SLC7A9: variants seen among roughly 807,000 people sequenced by gnomAD.
SLC7A9 encodes the protein solute carrier family 7 member 9.
SLC7A9 carries 38 observed loss-of-function variants against 54.1 expected under a neutral mutation model. That is an observed-to-expected ratio of 0.70 (90% confidence interval 0.54 to 0.92). SLC7A9 has a LOEUF of 0.92. SLC7A9 is among the 40% of genes least tolerant of loss of function. The pLI is 0.00. For synonymous variants in SLC7A9, 264 were observed against 258.9 expected (o/e 1.02, Z -0.19); for missense variants, 537 against 636.1 (o/e 0.84, Z 1.68).
chr19:32,844,857 C>CAAAAAATAAAAAAAAAAA (rs1968236196), intron 9 of SLC7A9, among the ~76,000 whole-genome samples: 1 of 30,314 alleles, frequency 3.3e-5, no homozygotes, highest in Non-Finnish European at 5.9e-5. Flanking sequence ...GAATCCATCT[C>CAAAAAATAAAAAAAAAAA]AAAAAAAAAA....
chr19:32,862,834 G>A (rs996870653), intron 4 of SLC7A9: 2 of 256,180 alleles, frequency 7.8e-6, no homozygotes, highest in East Asian at 1.8e-4. Context: ...ACTATGCCCA[G>A]CTAATTTTTG....
At chr19:32,855,978 C>T (rs1232689387) in intron 9 of SLC7A9, among the ~76,000 whole-genome samples, 1 of 152,140 alleles carries the variant, frequency 6.6e-6, no homozygotes, top group Non-Finnish European at 1.5e-5. Flanking sequence ...TTGTAATCAT[C>T]TGCAACATAC....
At chr19:32,857,728 G>A (rs1253109684) in intron 9 of SLC7A9, among the ~76,000 whole-genome samples, 1 of 152,218 alleles carries the variant, frequency 6.6e-6, no homozygotes, top group Non-Finnish European at 1.5e-5. Flanking sequence ...ACACCCAGGT[G>A]TGAGTGAAGG....
intron 11 of SLC7A9, among the ~76,000 whole-genome samples, chr19:32,833,645 A>G (rs992573105): frequency 1.5e-4 from 23 of 152,152 alleles, no homozygotes; most frequent in African/African-American, 5.1e-4. Context: ...CAAAAACACA[A>G]AAGTTAGCTG....
Position 32,833,317 on chromosome 19 carries a change from C to T in SLC7A9, c.1231G>A (p.Val411Ile), listed in dbSNP as rs139998987. 50 of 1,613,972 alleles carry T rather than the reference C, an allele frequency of 3.1e-5. 1 individual carries two copies. The highest frequency in any genetic ancestry group is 3.3e-4 in the Middle Eastern group (2 of 6,084). Residue 411 changes from valine to isoleucine, a missense_variant, in exon 12 of 13, where the codon GTA (valine) becomes ATA (isoleucine). Physicochemically the swap from Val to Ile is conservative, Grantham distance 29. Transcript: ENST00000023064. ...AGTGTCATCAAGACGGGAATGACTACGGGCACCTGGAGACGAAAAACAGGT... is the reference window on the plus strand; with the variant it reads ...AGTGTCATCAAGACGGGAATGACTATGGGCACCTGGAGACGAAAAACAGGT... Reference protein sequence around the residue: ...KELERPIKVPVVIPVLMTLIS... With the variant: ...KELERPIKVPIVIPVLMTLIS...
At chr19:32,857,956 G>A (rs1203394556) in intron 9 of SLC7A9, among the ~76,000 whole-genome samples, 1 of 152,130 alleles carries the variant, frequency 6.6e-6, no homozygotes, top group African/African-American at 2.4e-5. Context: ...TTTACCATCT[G>A]GCCCTTTAAG....
chr19:32,833,474 T>G, intron 11 of SLC7A9, 151 bp from the exon 12 acceptor site: 1 of 849,770 alleles, frequency 1.2e-6, no homozygotes, highest in South Asian at 1.6e-5. Context: ...TTATTTCATC[T>G]ATACCTTTTA....
intron 11 of SLC7A9, among the ~76,000 whole-genome samples, chr19:32,835,212 A>C (rs1234025466): frequency 6.6e-6 from 1 of 152,174 alleles, no homozygotes; most frequent in Non-Finnish European, 1.5e-5. Flanking sequence ...ATTTTATTTT[A>C]GATTTTTTAT....
At chr19:32,844,367 T>C (rs771837136) in intron 9 of SLC7A9, among the ~76,000 whole-genome samples, 1 of 152,196 alleles carries the variant, frequency 6.6e-6, no homozygotes, top group Non-Finnish European at 1.5e-5. Context: ...CATATTAATA[T>C]TAATGTGAGC....
At chr19:32,865,981 A>T (rs1257362629) in intron 2 of SLC7A9, among the ~76,000 whole-genome samples, 2 of 149,896 alleles carry the variant, frequency 1.3e-5, no homozygotes, top group African/African-American at 4.9e-5. Context: ...AAAAACCTGC[A>T]CATTACACTG....
At chr19:32,858,319 T>C (rs1968687155) in intron 9 of SLC7A9, 121 bp downstream of exon 9, 4 of 730,184 alleles carry the variant, frequency 5.5e-6, no homozygotes, top group Non-Finnish European at 9.6e-6. Context: ...GGTCTCCTAC[T>C]TGTACTGGCG....
chr19:32,844,745 C>T (rs188104316), intron 9 of SLC7A9, among the ~76,000 whole-genome samples: 40 of 149,502 alleles, frequency 2.7e-4, no homozygotes, highest in African/African-American at 8.4e-4. Flanking sequence ...GCAGGAGAAT[C>T]GCTGGAACCT....
chr19:32,831,085 C>T (rs533779160), intron 12 of SLC7A9, among the ~76,000 whole-genome samples: 1 of 151,500 alleles, frequency 6.6e-6, no homozygotes, highest in East Asian at 2.0e-4. Context: ...AGAGGATGCC[C>T]AGGAAGTCTT....
intron 2 of SLC7A9, among the ~76,000 whole-genome samples, chr19:32,867,506 G>C (rs1969005293): frequency 1.3e-5 from 2 of 151,768 alleles, no homozygotes; most frequent in Non-Finnish European, 2.9e-5. Context: ...GACAGAGTAA[G>C]ACCCTGACTC....
chr19:32,831,227 G>C (rs1035376796), intron 12 of SLC7A9: 24 of 159,430 alleles, frequency 1.5e-4, no homozygotes, highest in Admixed American at 4.1e-4. Context: ...GAAAGAAATA[G>C]GGTTTCCTGC....
chr19:32,835,889 C>CTGTGTGTGTG (rs1212868987), intron 11 of SLC7A9, among the ~76,000 whole-genome samples: 1 of 140,776 alleles, frequency 7.1e-6, no homozygotes, highest in African/African-American at 2.7e-5. Flanking sequence ...AATTTATGTA[C>CTGTGTGTGTG]TGTGTGTGTG....
intron 9 of SLC7A9, among the ~76,000 whole-genome samples, chr19:32,855,453 A>G (rs1237218380): frequency 3.3e-5 from 5 of 152,170 alleles, no homozygotes; most frequent in Non-Finnish European, 7.3e-5. Context: ...TAATCCCAGC[A>G]CTTTGGGAGG....
Position 32,869,749 on chromosome 19 carries a change from G to T in SLC7A9, c.-175C>A, listed in dbSNP as rs970505072. 3.3e-5 allele frequency: 5 copies of T among 152,118 alleles called. No individual in the cohort carries two copies. Among genetic ancestry groups the T allele is most frequent in the African/African-American group, 1.2e-4 (5 of 41,422 alleles). The allele number at this position is 152,118 out of a possible 1,614,324, so 9.4% of individuals were successfully genotyped here. On this transcript the variant is annotated 5_prime_UTR_variant, in exon 1 of 13. Coordinates refer to ENST00000023064, the MANE Select transcript of SLC7A9 (RefSeq NM_014270.5). ...CCAGCTGACCGCCCGTGCCTGCACG[G>T]TCCAACCCTAGAAATGGCCATGTCT...
intron 9 of SLC7A9, among the ~76,000 whole-genome samples, chr19:32,849,070 C>T (rs1968385338): frequency 6.6e-6 from 1 of 151,858 alleles, no homozygotes; most frequent in African/African-American, 2.4e-5. Context: ...TAAATGCCCA[C>T]AAGAGAAAGC....
Sources: allele counts gnomAD v4.1 joint callset (sites outside exome capture counted in the v4.1 genomes callset), GRCh38; gene constraint gnomAD v4.1.1; transcripts MANE v1.5; gene names NCBI Gene and HGNC (gene_info 2026-07-23, HGNC 2026-07-21).